Variants in UNC13C observed in about 807,000 individuals in gnomAD.
UNC13C encodes unc-13 homolog C.
A neutral mutation model predicts 245.4 loss-of-function variants in UNC13C; 174 were observed. That is an observed-to-expected ratio of 0.71 (90% CI 0.63 to 0.80). The LOEUF (loss-of-function observed/expected upper bound fraction) is 0.80. UNC13C is among the 30% of genes least tolerant of loss of function. The probability of loss-of-function intolerance (pLI) is 0.00; values close to 1 mark genes in which losing one functional copy is unlikely to be tolerated. For missense variants in UNC13C, 2,829 were observed against 2,602.9 expected, an observed-to-expected ratio of 1.09 and a Z score of -1.89; for synonymous variants, 992 against 895.1, an observed-to-expected ratio of 1.11 and a Z score of -1.93.
intron 8 of UNC13C, among the ~76,000 whole-genome samples, chr15:54,251,216 T>A (rs1335519388): frequency 6.6e-6 from 1 of 152,198 alleles, no homozygotes; most frequent in Non-Finnish European, 1.5e-5. Context: ...GCAGGATCCA[T>A]GTCCTTCTAC....
chr15:54,262,686 C>T (rs377078822), intron 8 of UNC13C, among the ~76,000 whole-genome samples: 2 of 151,454 alleles, frequency 1.3e-5, no homozygotes, highest in African/African-American at 4.8e-5. Context: ...TTTTGTCTTC[C>T]TTTTTTTTAA....
At chr15:54,626,680 A>C (rs1210378835) in intron 32 of UNC13C, 148 bp from the exon 33 acceptor site, 2 of 766,480 alleles carry the variant, frequency 2.6e-6, no homozygotes, top group Non-Finnish European at 4.0e-6. Flanking sequence ...TCTAAGCCAA[A>C]TTTAAAGGGT....
intron 10 of UNC13C, among the ~76,000 whole-genome samples, chr15:54,283,785 T>A (rs552220302): frequency 1.3e-5 from 2 of 152,124 alleles, no homozygotes; most frequent in East Asian, 1.9e-4. Flanking sequence ...TACTTCAGTT[T>A]TATCGATTGG....
At chr15:54,072,324 G>A (rs1391447286) in intron 2 of UNC13C, among the ~76,000 whole-genome samples, 1 of 152,058 alleles carries the variant, frequency 6.6e-6, no homozygotes, top group Non-Finnish European at 1.5e-5. Flanking sequence ...CACACCATGG[G>A]GATTTTGCTT....
At chr15:53,968,844 T>C in the UNC13C span, among the ~76,000 whole-genome samples, 4 of 152,210 alleles carry the variant, frequency 2.6e-5, no homozygotes, top group Admixed American at 6.5e-5. Context: ...CATTCTGTAT[T>C]TCTGCTCTAT....
chr15:53,879,107 A>G, the UNC13C span, among the ~76,000 whole-genome samples: 3 of 152,184 alleles, frequency 2.0e-5, no homozygotes, highest in African/African-American at 7.2e-5. Flanking sequence ...TTTTTTAGCA[A>G]AGAAAATAGT....
Position 53,978,718 on chromosome 15 carries a change from T to C in UNC13C, c.-466T>C, listed in dbSNP as rs540237867. Among the ~76,000 whole-genome samples the C allele has an allele frequency of 6.6e-6, 1 of 152,266 alleles. No homozygotes were observed. Among genetic ancestry groups the C allele is most frequent in the Admixed American group, 6.5e-5 (1 of 15,302 alleles). ...ATTGACAAGAAAAGAACAGACACCG[T>C]TGCAGACCAAGGCATGCCTGATTGC... On this transcript the variant is annotated 5_prime_UTR_variant, in exon 1 of 33. Coordinates refer to ENST00000260323, the MANE Select transcript of UNC13C (RefSeq NM_001080534.3).
At chr15:54,199,681 G>A (rs557204887) in intron 4 of UNC13C, among the ~76,000 whole-genome samples, 1 of 152,236 alleles carries the variant, frequency 6.6e-6, no homozygotes, top group East Asian at 1.9e-4. Context: ...TACAAAGACT[G>A]TTAGAGGAGC....
intron 13 of UNC13C, among the ~76,000 whole-genome samples, chr15:54,313,807 T>C (rs1482238056): frequency 6.6e-6 from 1 of 151,724 alleles, no homozygotes. Context: ...AAAATCATTA[T>C]GTCAAAGATA....
At chr15:53,847,486 A>C in the UNC13C span, among the ~76,000 whole-genome samples, 1 of 150,904 alleles carries the variant, frequency 6.6e-6, no homozygotes, top group Non-Finnish European at 1.5e-5. Context: ...CCTCCCAAGC[A>C]GCTGGGATTA....
At chr15:54,227,898 G>T (rs771459810) in intron 4 of UNC13C, among the ~76,000 whole-genome samples, 3 of 152,328 alleles carry the variant, frequency 2.0e-5, no homozygotes, top group African/African-American at 7.2e-5. Context: ...ACAATAAGCA[G>T]GTGGTAAGGC....
chr15:53,960,299 C>G, the UNC13C span, among the ~76,000 whole-genome samples: 1 of 151,584 alleles, frequency 6.6e-6, no homozygotes, highest in South Asian at 2.1e-4. Flanking sequence ...AGCAGACTAA[C>G]CAAGTCTGAA....
chr15:54,016,091 A>G (rs1244862881), intron 2 of UNC13C, among the ~76,000 whole-genome samples: 1 of 152,220 alleles, frequency 6.6e-6, no homozygotes, highest in Non-Finnish European at 1.5e-5. Context: ...AATATGTTAA[A>G]TGGGTCATAT....
chr15:54,597,192 G>C (rs1477438384), intron 30 of UNC13C, among the ~76,000 whole-genome samples: 1 of 152,166 alleles, frequency 6.6e-6, no homozygotes, highest in Non-Finnish European at 1.5e-5. Flanking sequence ...AGCTCAGGTG[G>C]TAATGCTCAC....
intron 7 of UNC13C, among the ~76,000 whole-genome samples, chr15:54,246,357 A>C (rs1596076662): frequency 2.0e-5 from 3 of 152,044 alleles, no homozygotes; most frequent in Admixed American, 1.3e-4. Context: ...AGATGTCTAT[A>C]ACAGCAAAAA....
intron 2 of UNC13C, among the ~76,000 whole-genome samples, chr15:54,098,470 C>A (rs1897010): frequency 6.6e-6 from 1 of 152,144 alleles, no homozygotes; most frequent in South Asian, 2.1e-4. Context: ...CTACCCTATC[C>A]GGCCCCTCCA....
chr15:54,179,507 G>A (rs57603865), intron 4 of UNC13C, among the ~76,000 whole-genome samples: 8,252 of 151,976 alleles, frequency 0.054, 275 homozygotes, highest in East Asian at 0.1. Flanking sequence ...CTTATTGGAT[G>A]GGTTTCACAA....
intron 2 of UNC13C, among the ~76,000 whole-genome samples, chr15:54,027,539 T>C (rs1896165894): frequency 6.6e-6 from 1 of 152,134 alleles, no homozygotes; most frequent in Non-Finnish European, 1.5e-5. Flanking sequence ...CTGGCTAATT[T>C]TTGTGTTTTT....
intron 2 of UNC13C, among the ~76,000 whole-genome samples, chr15:54,018,207 T>C (rs1251904629): frequency 6.6e-6 from 1 of 152,178 alleles, no homozygotes; most frequent in Non-Finnish European, 1.5e-5. Context: ...TCTGTTCCCA[T>C]GGCCATCTGC....
Sources: allele counts gnomAD v4.1 joint callset (sites outside exome capture counted in the v4.1 genomes callset), GRCh38; gene constraint gnomAD v4.1.1; transcripts MANE v1.5; gene names NCBI Gene and HGNC (gene_info 2026-07-23, HGNC 2026-07-21).